ERAP1: variants seen among roughly 807,000 people sequenced by gnomAD.
ERAP1 encodes endoplasmic reticulum aminopeptidase 1, also known as adipocyte-derived leucine aminopeptidase.
In ERAP1, 86 loss-of-function variants were observed where a neutral mutation model predicts 103.7. The observed-to-expected ratio is 0.83, with a 90% CI of 0.70 to 0.99. The LOEUF (loss-of-function observed/expected upper bound fraction) is 0.99, where lower values mean the gene tolerates loss of function less well. Ranked by LOEUF, ERAP1 falls within the 50% of genes least tolerant of loss-of-function variation. The pLI is 0.00. For synonymous variants in ERAP1, 398 were observed against 402.4 expected (o/e 0.99, Z 0.13); for missense variants, 1,009 against 1,128.4 (o/e 0.89, Z 1.52).
Position 96,803,429 on chromosome 5 carries a change from G to A in ERAP1, c.498C>T (p.Thr166=). 6.2e-7 allele frequency: 1 copy of A among 1,613,276 alleles called. No homozygotes were observed. The highest frequency in any genetic ancestry group is 2.2e-5 in the East Asian group (1 of 44,884). The change falls in exon 2 of 19, where the codon ACC becomes ACT. Residue 166 remains threonine (T), a synonymous_variant. Transcript: ENST00000443439. ...TCAGTTCCCCTTCCTTGGTTCTGTA[G>A]GTGCTTTTGTAAAATCCGTGGAAAG... ...SETFHGFYKS[T]YRTKEGELRI... is the part of the protein sequence containing the mutation.
downstream of ERAP1, chr5:96,772,134 G>C (rs983401077): frequency 6.5e-6 from 1 of 154,176 alleles, no homozygotes; most frequent in African/African-American, 2.4e-5. Flanking sequence ...AGAGTCTGGT[G>C]GAAATTACAG....
the ERAP1 span, among the ~76,000 whole-genome samples, chr5:96,864,928 A>C: frequency 1.3e-5 from 2 of 152,208 alleles, no homozygotes; most frequent in African/African-American, 2.4e-5. Flanking sequence ...ACAGAAATGC[A>C]AATATGAGCT....
the ERAP1 span, among the ~76,000 whole-genome samples, chr5:96,886,437 CA>C: frequency 2.0e-5 from 3 of 152,180 alleles, no homozygotes; most frequent in African/African-American, 7.2e-5. Flanking sequence ...TTGGGGATCT[CA>C]AAAGCAGGGC....
chr5:96,782,649 C>T (rs765466630), intron 15 of ERAP1, among the ~76,000 whole-genome samples: 3 of 152,146 alleles, frequency 2.0e-5, no homozygotes, highest in South Asian at 4.1e-4. Context: ...TTTCCAGATA[C>T]GGTAAAATCC....
intron 3 of ERAP1, among the ~76,000 whole-genome samples, chr5:96,800,451 T>C (rs757831060): frequency 6.6e-5 from 10 of 152,244 alleles, no homozygotes; most frequent in Non-Finnish European, 1.0e-4. Flanking sequence ...CTATATAGTA[T>C]ATGTAACTTA....
intron 2 of ERAP1, among the ~76,000 whole-genome samples, chr5:96,801,789 T>C (rs1251943035): frequency 1.5e-5 from 2 of 133,486 alleles, no homozygotes; most frequent in Non-Finnish European, 3.1e-5. Context: ...GAGGCGGAGG[T>C]TGCGGTGAGC....
chr5:96,832,696 T>C, the ERAP1 span, among the ~76,000 whole-genome samples: 2 of 152,210 alleles, frequency 1.3e-5, no homozygotes, highest in Non-Finnish European at 2.9e-5. Flanking sequence ...TGTATTTAAG[T>C]CTCTGAAAAT....
exon 20 of ERAP1, chr5:96,762,456 T>G: frequency 1.1e-6 from 1 of 906,440 alleles, no homozygotes; most frequent in Non-Finnish European, 1.7e-6. Context: ...TTAAAGCAAA[T>G]GAAAATAGGC....
At chr5:96,925,016 G>T in the ERAP1 span, among the ~76,000 whole-genome samples, 1 of 152,114 alleles carries the variant, frequency 6.6e-6, no homozygotes, top group South Asian at 2.1e-4. Context: ...GCCTAGGTAG[G>T]CCCCATCCAA....
upstream of ERAP1, among the ~76,000 whole-genome samples, chr5:96,811,122 A>G (rs1160700560): frequency 7.2e-5 from 11 of 152,144 alleles, no homozygotes; most frequent in East Asian, 2.1e-3. Flanking sequence ...AAAAATAATA[A>G]TGCCCCTCAT....
At chr5:96,833,132 C>A in the ERAP1 span, among the ~76,000 whole-genome samples, 1 of 152,170 alleles carries the variant, frequency 6.6e-6, no homozygotes, top group African/African-American at 2.4e-5. Context: ...ATAAGCCACC[C>A]AAAATACGCT....
the ERAP1 span, among the ~76,000 whole-genome samples, chr5:96,821,348 T>A: frequency 1.3e-5 from 2 of 152,228 alleles, no homozygotes; most frequent in Non-Finnish European, 2.9e-5. Flanking sequence ...ATTAACCATC[T>A]CAATGTTCTA....
At chr5:96,910,921 C>G in the ERAP1 span, among the ~76,000 whole-genome samples, 1 of 152,126 alleles carries the variant, frequency 6.6e-6, no homozygotes, top group African/African-American at 2.4e-5. Flanking sequence ...ACCATGTGGC[C>G]TACCTTCAAG....
chr5:96,796,749 G>A (rs1052450862), intron 4 of ERAP1, among the ~76,000 whole-genome samples: 2 of 152,124 alleles, frequency 1.3e-5, no homozygotes, highest in Non-Finnish European at 2.9e-5. Context: ...GCCTGAGATT[G>A]AGAAGGTTCC....
intron 1 of ERAP1, among the ~76,000 whole-genome samples, chr5:96,807,022 G>C (rs914576850): frequency 5.9e-5 from 9 of 151,996 alleles, no homozygotes; most frequent in Admixed American, 1.3e-4. Flanking sequence ...CCTGAGTTCA[G>C]AGCGAATCCT....
chr5:96,906,936 G>A, the ERAP1 span, among the ~76,000 whole-genome samples: 1 of 152,200 alleles, frequency 6.6e-6, no homozygotes, highest in African/African-American at 2.4e-5. Flanking sequence ...GCTGAGGCAG[G>A]AGAATCGCTT....
At chr5:96,891,042 AT>A in the ERAP1 span, among the ~76,000 whole-genome samples, 38 of 152,314 alleles carry the variant, frequency 2.5e-4, 1 homozygote, top group African/African-American at 8.4e-4. Context: ...AAGAAAAGTC[AT>A]TCCCACATTT....
chr5:96,926,481 T>C, the ERAP1 span, among the ~76,000 whole-genome samples: 2 of 152,226 alleles, frequency 1.3e-5, no homozygotes, highest in Non-Finnish European at 2.9e-5. Flanking sequence ...CTCCCTTCAG[T>C]CTAAGGAAAT....
At chr5:96,768,058 A>G in intron 19 of ERAP1, 2 of 1,082,900 alleles carry the variant, frequency 1.8e-6, no homozygotes, top group Non-Finnish European at 2.9e-6. Flanking sequence ...GTGTACATAC[A>G]TATAAGTTTT....
Sources: allele counts gnomAD v4.1 joint callset (sites outside exome capture counted in the v4.1 genomes callset), GRCh38; gene constraint gnomAD v4.1.1; transcripts MANE v1.5; gene names NCBI Gene and HGNC (gene_info 2026-07-23, HGNC 2026-07-21).